Variants in ERI2 observed in about 807,000 individuals in gnomAD.
ERI2 encodes ERI1 exoribonuclease family member 2.
A neutral mutation model predicts 46.8 loss-of-function variants in ERI2; 35 were observed. That is an observed-to-expected ratio of 0.75 (90% CI 0.57 to 0.99). ERI2 has a LOEUF of 0.99. Among genes scored for constraint, ERI2 ranks in the 50% least tolerant of loss-of-function variants. ERI2 has a pLI of 0.00. For missense variants in ERI2, 695 were observed against 796.2 expected (o/e 0.87, Z 1.53); for synonymous variants, 224 against 271.0 (o/e 0.83, Z 1.70).
chr16:20,785,763 A>G (rs2080459174), intron 10 of ERI2, among the ~76,000 whole-genome samples: 1 of 152,208 alleles, frequency 6.6e-6, no homozygotes, highest in Non-Finnish European at 1.5e-5. Flanking sequence ...AAAAATGAAA[A>G]TATCAAAAAT....
Position 20,802,428 on chromosome 16 carries a change from G to A in ERI2, c.303+368C>T, listed in dbSNP as rs1206934063. The stretch of plus-strand genomic sequence containing the variant: ...TTACTTATTTATTCATTTATTTTCA[G>A]AGACAAAGTCTGTCACCCAGGATAG... On this transcript the variant is annotated intron_variant, in intron 4 of 8. Coordinates refer to ENST00000357967, the MANE Select transcript of ERI2 (RefSeq NM_001142725.2). Among the ~76,000 whole-genome samples, 4 of 152,058 alleles carry A rather than the reference G, an allele frequency of 2.6e-5. No homozygotes were observed. The East Asian group carries it at 5.8e-4, about 22-fold the overall frequency.
At chr16:20,791,785 G>A (rs932635609), downstream of ERI2, among the ~76,000 whole-genome samples, 8 of 152,178 alleles carry the variant, frequency 5.3e-5, no homozygotes, top group Non-Finnish European at 8.8e-5. Context: ...AAAATTAGCC[G>A]GGTGTGGTGG....
At position 20,798,666 on chromosome 16, in the gene ERI2, T is replaced by C. The variant is rs370499166; in HGVS notation, c.1134A>G (p.Val378=). ...CAGTTGGAACGGTGGTAGAAACAAG[T>C]ACCAATTCTGAACCAACTGTTGAAG... ...SKASTVGSEL[V]LVSTTVPTVH... is the part of the protein sequence containing the mutation. Residue 378 remains valine (V), a synonymous_variant, in exon 9 of 9, where the codon GTA becomes GTG. Coordinates refer to ENST00000357967, the MANE Select transcript of ERI2 (RefSeq NM_001142725.2). 1.2e-4 allele frequency: 193 copies of C among 1,551,684 alleles called. 1 individual carries two copies. The East Asian group carries it at 1.4e-3, about 11-fold the overall frequency.
At position 20,803,650 on chromosome 16, in the gene ERI2, C is replaced by T. The variant is rs143037229; in HGVS notation, c.44G>A (p.Arg15Lys). The change falls in exon 2 of 9, where the codon AGA (arginine) becomes AAA (lysine). Residue 15 changes from arginine (R) to lysine (K), a missense_variant. Transcript: ENST00000357967. ...TCCATTTGCTGGCGCAATTGACTTT[C>T]TCCTAATTAATCCAAGCTGCCTAAA... is the stretch of plus-strand genomic sequence containing the variant. ...RLARQLGLIR[R>K]KSIAPANGNL... 8.9e-5 allele frequency: 143 copies of T among 1,614,022 alleles called. No homozygotes were observed. In the African/African-American group the frequency reaches 1.8e-3, roughly 21 times the overall value.
Position 20,797,268 on chromosome 16 carries a change from C to T in ERI2, c.*456G>A. ...CAGTTTCTGAACCAGATCTCTGCTA[C>T]ATAGGTTTTCAAACTTTAGTTGACT... On this transcript the variant is annotated 3_prime_UTR_variant, in exon 9 of 9. Transcript: ENST00000357967. 1 of 1,062,984 alleles carries T rather than the reference C, an allele frequency of 9.4e-7. No individual in the cohort carries two copies. The highest frequency in any genetic ancestry group is 1.1e-6 in the Non-Finnish European group (1 of 883,514). The allele number at this position is 1,062,984 out of a possible 1,614,324, so 65.8% of individuals were successfully genotyped here.
intron 1 of ERI2, among the ~76,000 whole-genome samples, chr16:20,805,034 C>A (rs2080841309): frequency 6.6e-6 from 1 of 152,176 alleles, no homozygotes; most frequent in African/African-American, 2.4e-5. Flanking sequence ...TTCTGAAGCT[C>A]ATGCTATTTG....
chr16:20,794,068 G>C (rs1468181606), downstream of ERI2, among the ~76,000 whole-genome samples: 1 of 152,156 alleles, frequency 6.6e-6, no homozygotes, highest in African/African-American at 2.4e-5. Context: ...TTTCCTAGTA[G>C]AAGATGTGAG....
chr16:20,803,360 G>C (rs1188112436), intron 3 of ERI2, 73 bp downstream of exon 3: 1 of 1,492,484 alleles, frequency 6.7e-7, no homozygotes, highest in Non-Finnish European at 9.0e-7. Flanking sequence ...TTAAACTTTT[G>C]GCTGATTCAG....
chr16:20,791,910 A>G (rs2080606693), downstream of ERI2: 2 of 1,469,986 alleles, frequency 1.4e-6, no homozygotes, highest in Admixed American at 3.9e-5. Context: ...CCTGGGTAAC[A>G]GAGTGAGACT....
Position 20,796,543 on chromosome 16 carries a change from T to C in ERI2, c.*1181A>G. 2 of 1,594,522 alleles carry C rather than the reference T, an allele frequency of 1.3e-6. No individual in the cohort carries two copies. Among genetic ancestry groups the C allele is most frequent in the Non-Finnish European group, 1.7e-6 (2 of 1,175,730 alleles). On this transcript the variant is annotated 3_prime_UTR_variant, in exon 9 of 9. Transcript: ENST00000357967. ...GCTCAGTGTTGTGGACAATTTCAAGTGTTTATTTTTACATTTTAATGAATA... is the reference window on the plus strand; with the variant it reads ...GCTCAGTGTTGTGGACAATTTCAAGCGTTTATTTTTACATTTTAATGAATA...
chr16:20,803,953 A>G (rs1431210916), intron 1 of ERI2, among the ~76,000 whole-genome samples: 1 of 152,148 alleles, frequency 6.6e-6, no homozygotes, highest in Non-Finnish European at 1.5e-5. Context: ...CCTGGGCTCA[A>G]GCAATCCTCC....
chr16:20,791,973 A>G (rs777583823), downstream of ERI2: 4 of 1,611,516 alleles, frequency 2.5e-6, no homozygotes, highest in Non-Finnish European at 2.5e-6. Flanking sequence ...TGGATTCACC[A>G]TAACAACAAA....
rs2080389873 is a variant in ERI2, at chr16:20,783,123, A to G, written c.895-2389T>C. The G allele has an allele frequency of 1.3e-5, 2 of 152,170 alleles. 1 individual carries two copies. Among genetic ancestry groups the G allele is most frequent in the African/African-American group, 4.8e-5 (2 of 41,440 alleles). The allele number at this position is 152,170 out of a possible 1,614,324, so 9.4% of individuals were successfully genotyped here. On this transcript the variant is annotated intron_variant, in intron 10 of 10. Transcript: ENST00000300005. ...AGTCTTTCTTGTGACCAACCCCTAT[A>G]CGGGAGCCCCATTGAGAGTCGCCTC...
intron 3 of ERI2, 50 bp from the exon 4 acceptor site, chr16:20,802,973 A>G (rs1186938254): frequency 2.0e-6 from 3 of 1,485,088 alleles, no homozygotes; most frequent in Non-Finnish European, 2.7e-6. Context: ...TTTTTAAATT[A>G]ATCCTGTAAT....
intron 10 of ERI2, among the ~76,000 whole-genome samples, chr16:20,787,378 C>T (rs1466204072): frequency 1.3e-5 from 2 of 152,118 alleles, no homozygotes; most frequent in Non-Finnish European, 2.9e-5. Flanking sequence ...CCCATCTGTA[C>T]GTTAAGAGAC....
chr16:20,787,312 T>TG (rs933385842), intron 10 of ERI2, among the ~76,000 whole-genome samples: 30 of 152,196 alleles, frequency 2.0e-4, no homozygotes, highest in Non-Finnish European at 4.3e-4. Flanking sequence ...ATGGTTATCT[T>TG]TTTCACCCAT....
intron 10 of ERI2, chr16:20,780,876 G>T: frequency 6.2e-7 from 1 of 1,613,976 alleles, no homozygotes; most frequent in Non-Finnish European, 8.5e-7. Flanking sequence ...TCACAAAAGT[G>T]CAGCTTGAAG....
Position 20,796,977 on chromosome 16 carries a change from G to A in ERI2, c.*747C>T. 1 of 1,610,494 alleles carries A rather than the reference G, an allele frequency of 6.2e-7. No homozygotes were observed. Among genetic ancestry groups the A allele is most frequent in the South Asian group, 1.1e-5 (1 of 90,204 alleles). The stretch of plus-strand genomic sequence containing the variant: ...AAAGAATGGAAGACAATTTAAAGTT[G>A]TTTCATTAATTACCATATCTATAAA... On this transcript the variant is annotated 3_prime_UTR_variant, in exon 9 of 9. Transcript: ENST00000357967.
intron 10 of ERI2, among the ~76,000 whole-genome samples, chr16:20,786,917 A>G (rs2080486629): frequency 6.6e-6 from 1 of 152,122 alleles, no homozygotes; most frequent in East Asian, 1.9e-4. Flanking sequence ...AGACCTTCTG[A>G]GCGGGTCAAC....
Sources: allele counts gnomAD v4.1 joint callset (sites outside exome capture counted in the v4.1 genomes callset), GRCh38; gene constraint gnomAD v4.1.1; transcripts MANE v1.5; gene names NCBI Gene and HGNC (gene_info 2026-07-23, HGNC 2026-07-21).